The following ARHGAP39 variants were observed in gnomAD, a reference collection of about 807,000 sequenced individuals.
ARHGAP39 encodes rho GTPase-activating protein 39.
ARHGAP39 carries 44 observed loss-of-function variants against 106.9 expected under a neutral mutation model. That is an observed-to-expected ratio of 0.41 (90% confidence interval 0.32 to 0.53). ARHGAP39 has a LOEUF of 0.53. Among genes scored for constraint, ARHGAP39 ranks in the 20% least tolerant of loss-of-function variants. ARHGAP39 has a pLI of 0.21. For missense variants in ARHGAP39, 1,496 were observed against 1,577.3 expected (o/e 0.95, Z 0.87); for synonymous variants, 768 against 693.2 (o/e 1.11, Z -1.69).
the ARHGAP39 span, among the ~76,000 whole-genome samples, chr8:144,695,069 T>C: frequency 1.3e-5 from 2 of 148,712 alleles, no homozygotes; most frequent in African/African-American, 5.0e-5. Context: ...TATCATCCAT[T>C]CTTTTATTTA....
rs933859874 is a variant in ARHGAP39, at chr8:144,558,901, C to T, written c.513-3258G>A. Among the ~76,000 whole-genome samples, 95 of 151,418 alleles carry T rather than the reference C, an allele frequency of 6.3e-4. 3 individuals are homozygous for T. Among genetic ancestry groups the T allele is most frequent in the Admixed American group, 3.4e-3 (52 of 15,200 alleles). ...CAGCCTGGCCAACATAGCAAAACCTCGTCTCTACTAAAAATACAAAAACTA... is the reference window on the plus strand; with the variant it reads ...CAGCCTGGCCAACATAGCAAAACCTTGTCTCTACTAAAAATACAAAAACTA... On this transcript the variant is annotated intron_variant, in intron 3 of 11. Coordinates refer to ENST00000377307, the MANE Select transcript of ARHGAP39 (RefSeq NM_025251.3).
At chr8:144,544,924 C>T (rs1011655438) in intron 6 of ARHGAP39, among the ~76,000 whole-genome samples, 32 of 152,252 alleles carry the variant, frequency 2.1e-4, no homozygotes, top group African/African-American at 7.7e-4. Flanking sequence ...ACGGCTGCTC[C>T]GCCCTCGGCG....
At chr8:144,699,015 T>TA in the ARHGAP39 span, 1 of 382,242 alleles carries the variant, frequency 2.6e-6, no homozygotes, top group South Asian at 1.9e-5. Flanking sequence ...GCATTCTGCC[T>TA]AAAAAAGCAG....
chr8:144,608,754 C>T (rs1215214764), intron 1 of ARHGAP39, among the ~76,000 whole-genome samples: 2 of 152,170 alleles, frequency 1.3e-5, no homozygotes, highest in African/African-American at 4.8e-5. Flanking sequence ...CTAGTTGGGT[C>T]TACTTTCAGC....
intron 3 of ARHGAP39, among the ~76,000 whole-genome samples, chr8:144,574,002 G>A (rs941708244): frequency 1.3e-5 from 2 of 151,842 alleles, no homozygotes; most frequent in African/African-American, 2.4e-5. Context: ...GCAAAACCTC[G>A]TCTCTACTAA....
chr8:144,636,772 C>T (rs1563718337), intron 1 of ARHGAP39, among the ~76,000 whole-genome samples: 1 of 152,188 alleles, frequency 6.6e-6, no homozygotes, highest in Non-Finnish European at 1.5e-5. Flanking sequence ...CCTCCATTTA[C>T]CACCTTGTTT....
At chr8:144,662,657 C>CT (rs1821860074) in intron 1 of ARHGAP39, among the ~76,000 whole-genome samples, 1 of 150,234 alleles carries the variant, frequency 6.7e-6, no homozygotes. Flanking sequence ...TTGGATCACT[C>CT]CTCCTCCCCA....
At chr8:144,608,084 G>T (rs775938840) in intron 1 of ARHGAP39, among the ~76,000 whole-genome samples, 1 of 149,434 alleles carries the variant, frequency 6.7e-6, no homozygotes, top group Admixed American at 6.7e-5. Context: ...CTGAACCTGG[G>T]AGGCTGAGGT....
intron 4 of ARHGAP39, among the ~76,000 whole-genome samples, chr8:144,552,646 A>G (rs1341144854): frequency 1.3e-5 from 2 of 151,684 alleles, no homozygotes; most frequent in Non-Finnish European, 2.9e-5. Flanking sequence ...GTCTCTTGAT[A>G]CCCTGAGTGC....
chr8:144,601,725 C>CTG (rs773022226), intron 2 of ARHGAP39, among the ~76,000 whole-genome samples: 7 of 108,402 alleles, frequency 6.5e-5, no homozygotes, highest in South Asian at 3.2e-4. Flanking sequence ...GCTCATGTAC[C>CTG]TGTGTGTGTG....
Position 144,541,000 on chromosome 8 carries a change from C to T in ARHGAP39, c.2522-3187G>A, listed in dbSNP as rs529433643. The stretch of plus-strand genomic sequence containing the variant: ...CTGAGTGCCTGGGATTACAGGCGCC[C>T]GCCACCATGCCTGACTAATTTTTGT... On this transcript the variant is annotated intron_variant, in intron 6 of 11. Coordinates refer to ENST00000377307, the MANE Select transcript of ARHGAP39 (RefSeq NM_025251.3). 3.3e-5 allele frequency among the ~76,000 whole-genome samples: 5 copies of T among 152,204 alleles called. No individual in the cohort carries two copies. The East Asian group carries it at 5.8e-4, about 18-fold the overall frequency.
At chr8:144,618,583 C>A (rs1464099490) in intron 1 of ARHGAP39, among the ~76,000 whole-genome samples, 1 of 152,232 alleles carries the variant, frequency 6.6e-6, no homozygotes, top group Non-Finnish European at 1.5e-5. Flanking sequence ...GGCAGAGCCC[C>A]GAGGACGCGC....
Position 144,683,825 on chromosome 8 carries a change from T to C in ARHGAP39, c.-82+1861A>G, listed in dbSNP as rs143326697. Among the ~76,000 whole-genome samples the C allele has an allele frequency of 2.0e-3, 298 of 152,258 alleles. 1 individual carries two copies. Among genetic ancestry groups the C allele is most frequent in the African/African-American group, 6.9e-3 (288 of 41,566 alleles). ...ATGTAAACTTCCAGTTTACATTACA[T>C]TGGCAGTGCTGGAGAAACTGAAGAC... On this transcript the variant is annotated intron_variant, in intron 1 of 11. Coordinates refer to ENST00000377307, the MANE Select transcript of ARHGAP39 (RefSeq NM_025251.3).
Position 144,605,715 on chromosome 8 carries a change from A to G in ARHGAP39, c.-81-20T>C. On this transcript the variant is annotated intron_variant, in intron 1 of 11. Transcript: ENST00000377307. Reference sequence around the variant, plus strand: ...GCCGCACTGCAAGAGGGGAGAAGCAACAGTGCTGATATGGAAGACGCCTCA... The same window carrying G: ...GCCGCACTGCAAGAGGGGAGAAGCAGCAGTGCTGATATGGAAGACGCCTCA... 1 of 1,176,056 alleles carries G rather than the reference A, an allele frequency of 8.5e-7. No homozygotes were observed. The highest frequency in any genetic ancestry group is 1.2e-6 in the Non-Finnish European group (1 of 803,596). 72.9% of individuals were successfully genotyped at this position (1,176,056 alleles called of 1,614,324 possible).
At chr8:144,542,204 G>A (rs1817221354) in intron 6 of ARHGAP39, among the ~76,000 whole-genome samples, 1 of 152,206 alleles carries the variant, frequency 6.6e-6, no homozygotes, top group African/African-American at 2.4e-5. Context: ...ACTGCCAGGT[G>A]CTCCTCGATG....
In ARHGAP39 at chr8:144,662,811, T is replaced by TC. The variant is rs375036396; in HGVS notation, c.-82+22874dup. ...CTCCCCCTTATCCACCTTGGGCCAC[T>TC]CCCCCCATCCCCATTAGCCACCTTA... On this transcript the variant is annotated intron_variant, in intron 1 of 11. Coordinates refer to ENST00000377307, the MANE Select transcript of ARHGAP39 (RefSeq NM_025251.3). 6.4e-3 allele frequency among the ~76,000 whole-genome samples: 446 copies of TC among 69,932 alleles called. 3 individuals carry two copies. The highest frequency in any genetic ancestry group is 0.024 in the African/African-American group (407 of 17,174). The allele number at this position is 69,932 out of a possible 152,430, so 45.9% of individuals were successfully genotyped here. A position where few individuals can be genotyped will look rare whatever the true frequency, so the allele number is the denominator to read the frequency against.
intron 3 of ARHGAP39, among the ~76,000 whole-genome samples, chr8:144,580,384 C>T (rs1818927562): frequency 6.6e-6 from 1 of 152,248 alleles, no homozygotes; most frequent in African/African-American, 2.4e-5. Context: ...CTCTCAGGAA[C>T]CACCACCTGC....
At chr8:144,603,922 C>T (rs1032858416) in intron 2 of ARHGAP39, among the ~76,000 whole-genome samples, 8 of 152,036 alleles carry the variant, frequency 5.3e-5, no homozygotes, top group African/African-American at 1.9e-4. Context: ...CGCTTAGGGG[C>T]CTATCTGGGC....
At chr8:144,690,331 T>G (rs968053647), upstream of ARHGAP39, among the ~76,000 whole-genome samples, 4 of 151,692 alleles carry the variant, frequency 2.6e-5, no homozygotes, top group African/African-American at 9.7e-5. Flanking sequence ...CAAGCTGGTC[T>G]TGAACTCCTG....
Sources: gnomAD v4.1 joint callset for allele counts (sites outside exome capture counted in the v4.1 genomes callset) on GRCh38, gnomAD v4.1.1 for gene constraint, MANE v1.5 for transcripts, NCBI Gene and HGNC (gene_info 2026-07-23, HGNC 2026-07-21) for gene names.